Variants in NBAS observed in about 807,000 individuals in gnomAD.
NBAS encodes NBAS subunit of NRZ tethering complex, also known as NAG/BC035112 fusion.
Under a neutral mutation model 302.5 loss-of-function variants are expected in NBAS, and 219 were observed. That is an observed-to-expected ratio of 0.72 (90% CI 0.65 to 0.81). The LOEUF (loss-of-function observed/expected upper bound fraction) is 0.81. Among genes scored for constraint, NBAS ranks in the 30% least tolerant of loss-of-function variants. The pLI is 0.00. For missense variants in NBAS, 2,932 were observed against 2,841.6 expected, an observed-to-expected ratio of 1.03 and a Z score of -0.72; for synonymous variants, 1,118 against 1,021.6, an observed-to-expected ratio of 1.09 and a Z score of -1.80.
At chr2:14,947,295 G>T in the NBAS span, among the ~76,000 whole-genome samples, 104 of 151,968 alleles carry the variant, frequency 6.8e-4, no homozygotes, top group African/African-American at 2.4e-3. Context: ...AAAAAAGAGA[G>T]AAGACCCAAA....
At chr2:15,528,536 C>A (rs1004748141) in intron 9 of NBAS, among the ~76,000 whole-genome samples, 4 of 147,644 alleles carry the variant, frequency 2.7e-5, no homozygotes, top group African/African-American at 9.9e-5. Context: ...ATAGAACATG[C>A]AGTGAAAGAA....
At chr2:15,344,749 C>T (rs545666109) in intron 35 of NBAS, among the ~76,000 whole-genome samples, 13 of 152,162 alleles carry the variant, frequency 8.5e-5, no homozygotes, top group East Asian at 5.8e-4. Context: ...TGAACATCAA[C>T]GCGAAAATCC....
chr2:15,552,201 C>T (rs989214032), intron 5 of NBAS, among the ~76,000 whole-genome samples: 4 of 152,074 alleles, frequency 2.6e-5, no homozygotes, highest in Admixed American at 1.3e-4. Context: ...GAAATAATTA[C>T]AGATACATAC....
At chr2:15,347,003 G>A (rs1296357376) in intron 35 of NBAS, among the ~76,000 whole-genome samples, 1 of 152,156 alleles carries the variant, frequency 6.6e-6, no homozygotes, top group Non-Finnish European at 1.5e-5. Context: ...GCCTGTTGAG[G>A]GGTTGCGGGA....
At chr2:14,795,126 A>G in the NBAS span, among the ~76,000 whole-genome samples, 2 of 152,200 alleles carry the variant, frequency 1.3e-5, no homozygotes, top group Non-Finnish European at 1.5e-5. Flanking sequence ...TTAGAAATAG[A>G]ATGTCTAGTT....
At chr2:15,463,826 T>C (rs1000875619) in intron 19 of NBAS, among the ~76,000 whole-genome samples, 29 of 145,420 alleles carry the variant, frequency 2.0e-4, no homozygotes, top group African/African-American at 6.7e-4. Context: ...AATCTGAAGA[T>C]GAAGTATCAG....
intron 28 of NBAS, among the ~76,000 whole-genome samples, chr2:15,390,660 C>T (rs1034794146): frequency 6.6e-6 from 1 of 152,016 alleles, no homozygotes; most frequent in African/African-American, 2.4e-5. Flanking sequence ...ATTTGTTTCA[C>T]CATAGTAACC....
At chr2:14,803,263 T>C in the NBAS span, among the ~76,000 whole-genome samples, 1 of 152,298 alleles carries the variant, frequency 6.6e-6, no homozygotes, top group Non-Finnish European at 1.5e-5. Flanking sequence ...GATTGTCTCC[T>C]GTAATTTTAT....
intron 41 of NBAS, among the ~76,000 whole-genome samples, chr2:15,290,009 G>GAA (rs1670230362): frequency 6.9e-6 from 1 of 144,376 alleles, no homozygotes; most frequent in African/African-American, 2.6e-5. Flanking sequence ...GAAAAGAAAA[G>GAA]AAAAAAGAAG....
chr2:15,147,621 A>G, the NBAS span, among the ~76,000 whole-genome samples: 76 of 152,042 alleles, frequency 5.0e-4, 1 homozygote, highest in Non-Finnish European at 3.7e-4. Flanking sequence ...AAAATTAAAA[A>G]AAGAGATGTT....
chr2:14,781,598 C>A, the NBAS span, among the ~76,000 whole-genome samples: 2 of 152,062 alleles, frequency 1.3e-5, no homozygotes, highest in Non-Finnish European at 2.9e-5. Context: ...GGTTCTCGAT[C>A]AGCATGGGAA....
At chr2:14,999,058 A>C in the NBAS span, among the ~76,000 whole-genome samples, 1 of 152,134 alleles carries the variant, frequency 6.6e-6, no homozygotes, top group Non-Finnish European at 1.5e-5. Flanking sequence ...ACCCTCTAAA[A>C]GTCTCTTCAC....
intron 19 of NBAS, among the ~76,000 whole-genome samples, chr2:15,467,083 A>G (rs138369510): frequency 1.3e-5 from 2 of 152,234 alleles, no homozygotes; most frequent in African/African-American, 4.8e-5. Context: ...TTATAAATCT[A>G]GAAAACACAA....
At chr2:15,478,657 C>T (rs977051490) in intron 12 of NBAS, among the ~76,000 whole-genome samples, 3 of 152,176 alleles carry the variant, frequency 2.0e-5, no homozygotes, top group Non-Finnish European at 4.4e-5. Context: ...CACTTATAAA[C>T]TGAGCAACCC....
intron 38 of NBAS, among the ~76,000 whole-genome samples, chr2:15,325,267 G>A (rs150634987): frequency 5.3e-5 from 8 of 152,060 alleles, no homozygotes; most frequent in African/African-American, 9.7e-5. Context: ...CAAATTATTC[G>A]GTTTCTCAGT....
At chr2:14,831,330 T>A in the NBAS span, among the ~76,000 whole-genome samples, 1 of 152,200 alleles carries the variant, frequency 6.6e-6, no homozygotes, top group Non-Finnish European at 1.5e-5. Flanking sequence ...ATCATTACTA[T>A]AATTTATTAC....
chr2:15,005,136 A>G, the NBAS span, among the ~76,000 whole-genome samples: 3 of 152,222 alleles, frequency 2.0e-5, no homozygotes, highest in African/African-American at 7.2e-5. Flanking sequence ...CATGGTAAGA[A>G]TACTTAACAC....
the NBAS span, among the ~76,000 whole-genome samples, chr2:14,838,459 T>G: frequency 6.6e-6 from 1 of 152,040 alleles, no homozygotes. Flanking sequence ...GAGAAAATTT[T>G]CTCTTAACTT....
chr2:15,392,268 G>A (rs1675646663), intron 28 of NBAS, among the ~76,000 whole-genome samples: 1 of 151,688 alleles, frequency 6.6e-6, no homozygotes, highest in East Asian at 1.9e-4. Context: ...AAAGCTTGGA[G>A]AGGAGAAAGT....
Sources: gnomAD v4.1 joint callset for allele counts (sites outside exome capture counted in the v4.1 genomes callset) on GRCh38, gnomAD v4.1.1 for gene constraint, MANE v1.5 for transcripts, NCBI Gene and HGNC (gene_info 2026-07-23, HGNC 2026-07-21) for gene names.